CNTNAP5: variants seen among roughly 807,000 people sequenced by gnomAD.
CNTNAP5 encodes the protein contactin-associated protein-like 5.
Under a neutral mutation model 150.2 loss-of-function variants are expected in CNTNAP5, and 72 were observed. The observed-to-expected ratio is 0.48, with a 90% CI of 0.40 to 0.58. CNTNAP5 has a LOEUF of 0.58. Among genes scored for constraint, CNTNAP5 ranks in the 20% least tolerant of loss-of-function variants. The pLI is 0.00. For missense variants in CNTNAP5, 1,636 were observed against 1,626.2 expected (o/e 1.01, Z -0.10); for synonymous variants, 672 against 619.8 (o/e 1.08, Z -1.25).
chr2:124,807,979 G>A (rs959755275), intron 19 of CNTNAP5, among the ~76,000 whole-genome samples: 1 of 152,140 alleles, frequency 6.6e-6, no homozygotes, highest in African/African-American at 2.4e-5. Flanking sequence ...GATGCACAAG[G>A]AAGCACACAG....
intron 1 of CNTNAP5, among the ~76,000 whole-genome samples, chr2:124,127,958 T>A (rs1300997331): frequency 2.0e-5 from 3 of 152,134 alleles, no homozygotes; most frequent in Non-Finnish European, 4.4e-5. Flanking sequence ...ATAAAAACCC[T>A]AGAAGAAAAC....
At chr2:124,210,166 AAC>A (rs1285212140) in intron 1 of CNTNAP5, among the ~76,000 whole-genome samples, 1 of 152,176 alleles carries the variant, frequency 6.6e-6, no homozygotes, top group Non-Finnish European at 1.5e-5. Flanking sequence ...GGTAATTAAA[AAC>A]CATCACCTTA....
At chr2:124,311,284 T>G (rs1688824174) in intron 3 of CNTNAP5, among the ~76,000 whole-genome samples, 1 of 152,192 alleles carries the variant, frequency 6.6e-6, no homozygotes, top group Non-Finnish European at 1.5e-5. Context: ...TTCTGGAAGC[T>G]GGAATGTCCA....
At chr2:124,540,692 ATTC>A (rs1695360149) in intron 10 of CNTNAP5, among the ~76,000 whole-genome samples, 1 of 151,956 alleles carries the variant, frequency 6.6e-6, no homozygotes, top group East Asian at 1.9e-4. Context: ...TCATTCATTC[ATTC>A]ATTCATTCTT....
rs191957724 is a variant in CNTNAP5, at chr2:124,350,508, G to A, written c.382-66935G>A. On this transcript the variant is annotated intron_variant, in intron 3 of 23. Coordinates refer to ENST00000682447, the MANE Select transcript of CNTNAP5 (RefSeq NM_001367498.1). ...GGTCAGTTCTTACGCCTTCACATTC[G>A]TACTATTAATTCTTTACACTTCTTC... is the stretch of plus-strand genomic sequence containing the variant. 1.6e-4 allele frequency among the ~76,000 whole-genome samples: 24 copies of A among 149,120 alleles called. No homozygotes were observed. In the East Asian group the frequency reaches 4.5e-3, roughly 28 times the overall value.
intron 2 of CNTNAP5, among the ~76,000 whole-genome samples, chr2:124,240,669 AAG>A (rs1558815368): frequency 1.3e-5 from 2 of 152,186 alleles, no homozygotes; most frequent in East Asian, 3.9e-4. Flanking sequence ...GAAAAAAAAA[AAG>A]AAAAAAATCA....
intron 10 of CNTNAP5, among the ~76,000 whole-genome samples, chr2:124,541,636 G>A (rs72968763): frequency 0.01 from 1,563 of 152,166 alleles, 30 homozygotes; most frequent in African/African-American, 0.035. Context: ...CATGTGGTTG[G>A]GAGAAACTCG....
At chr2:124,188,917 C>T (rs1484063882) in intron 1 of CNTNAP5, among the ~76,000 whole-genome samples, 1 of 152,076 alleles carries the variant, frequency 6.6e-6, no homozygotes, top group African/African-American at 2.4e-5. Context: ...AAGGGTTTCA[C>T]ATCTGGGTTT....
intron 14 of CNTNAP5, among the ~76,000 whole-genome samples, chr2:124,756,001 C>T (rs1361470503): frequency 6.6e-6 from 1 of 152,156 alleles, no homozygotes; most frequent in Non-Finnish European, 1.5e-5. Flanking sequence ...ATATCTATCT[C>T]TGGGAAATAC....
At position 124,916,765 on chromosome 2, in the gene CNTNAP5, A is replaced by G. The variant is rs915134620; in HGVS notation, c.*2477A>G. ...CATCTTCCTCACGTGTGTAGACTCC[A>G]TGCACACTACATACCACAGACCTAA... On this transcript the variant is annotated 3_prime_UTR_variant, in exon 24 of 24. Coordinates refer to ENST00000682447, the MANE Select transcript of CNTNAP5 (RefSeq NM_001367498.1). Among the ~76,000 whole-genome samples the G allele has an allele frequency of 2.0e-5, 3 of 152,012 alleles. No homozygotes were observed. The highest frequency in any genetic ancestry group is 7.2e-5 in the African/African-American group (3 of 41,404).
At chr2:124,262,440 C>T (rs1687482752) in intron 3 of CNTNAP5, among the ~76,000 whole-genome samples, 1 of 152,184 alleles carries the variant, frequency 6.6e-6, no homozygotes, top group Admixed American at 6.5e-5. Flanking sequence ...CAAGCGTCAT[C>T]TTTGCTAACA....
chr2:124,863,029 A>T (rs1460806585), intron 19 of CNTNAP5, among the ~76,000 whole-genome samples: 1 of 152,194 alleles, frequency 6.6e-6, no homozygotes, highest in Non-Finnish European at 1.5e-5. Context: ...CTAGGTCCTA[A>T]GAGGAATGGT....
chr2:124,199,831 G>C (rs1367705118), intron 1 of CNTNAP5, among the ~76,000 whole-genome samples: 2 of 152,290 alleles, frequency 1.3e-5, no homozygotes, highest in East Asian at 3.9e-4. Context: ...TTTATGCATA[G>C]TAACTTGATA....
intron 3 of CNTNAP5, among the ~76,000 whole-genome samples, chr2:124,414,230 A>G (rs1268708234): frequency 6.6e-6 from 1 of 151,880 alleles, no homozygotes; most frequent in African/African-American, 2.4e-5. Context: ...TACATCTAAC[A>G]GGAAGATCTT....
intron 17 of CNTNAP5, among the ~76,000 whole-genome samples, chr2:124,782,658 T>C (rs562222641): frequency 1.9e-4 from 29 of 152,152 alleles, no homozygotes; most frequent in Admixed American, 1.6e-3. Flanking sequence ...ACCAAAGAAC[T>C]TTAAAAGAAA....
At chr2:124,254,514 G>A (rs1687261895) in intron 3 of CNTNAP5, among the ~76,000 whole-genome samples, 1 of 152,166 alleles carries the variant, frequency 6.6e-6, no homozygotes, top group Admixed American at 6.5e-5. Context: ...GGGTAGACAT[G>A]GGTTACTAAG....
intron 3 of CNTNAP5, among the ~76,000 whole-genome samples, chr2:124,309,174 A>T (rs780010): frequency 1.3e-5 from 2 of 152,128 alleles, no homozygotes; most frequent in East Asian, 3.9e-4. Flanking sequence ...AAAGTTATGC[A>T]ATGTGTTCTC....
At chr2:124,784,760 C>T (rs753795379) in intron 17 of CNTNAP5, among the ~76,000 whole-genome samples, 3 of 152,128 alleles carry the variant, frequency 2.0e-5, no homozygotes, top group East Asian at 1.9e-4. Flanking sequence ...CTTTGAAGGT[C>T]GCCATGTCCA....
Position 124,369,274 on chromosome 2 carries a change from C to T in CNTNAP5, c.382-48169C>T, listed in dbSNP as rs1690458337. On this transcript the variant is annotated intron_variant, in intron 3 of 23. Transcript: ENST00000682447. ...TCATAGAAAGAAACCTTGGAGGCCA[C>T]TGAGCCTAATGGAAAGAGAACTTGG... Among the ~76,000 whole-genome samples, 2 of 152,122 alleles carry T rather than the reference C, an allele frequency of 1.3e-5. 1 individual carries two copies. Among genetic ancestry groups the T allele is most frequent in the South Asian group, 4.1e-4 (2 of 4,828 alleles).
Sources: allele counts gnomAD v4.1 joint callset (sites outside exome capture counted in the v4.1 genomes callset), GRCh38; gene constraint gnomAD v4.1.1; transcripts MANE v1.5; gene names NCBI Gene and HGNC (gene_info 2026-07-23, HGNC 2026-07-21).